HYDIN: variants seen among roughly 807,000 people sequenced by gnomAD.
HYDIN encodes axonemal central pair apparatus protein HYDIN.
HYDIN carries 132 observed loss-of-function variants against 403.9 expected under a neutral mutation model. The ratio of observed to expected loss-of-function variants is 0.33; its 90% CI spans 0.28 to 0.38. The LOEUF is 0.38. Among genes scored for constraint, HYDIN ranks in the 10% least tolerant of loss-of-function variants. The pLI is 1.00. For missense variants in HYDIN, 2,827 were observed against 5,009.5 expected (o/e 0.56, Z 13.15); for synonymous variants, 1,202 against 1,891.7 (o/e 0.64, Z 9.46).
intron 5 of HYDIN, among the ~76,000 whole-genome samples, chr16:71,175,106 C>T (rs530735012): frequency 6.6e-6 from 1 of 151,532 alleles, no homozygotes; most frequent in Non-Finnish European, 1.5e-5. Context: ...CCACCACCCA[C>T]CAACTCTACA....
intron 4 of HYDIN, among the ~76,000 whole-genome samples, chr16:71,176,646 C>T (rs911068968): frequency 6.6e-6 from 1 of 152,210 alleles, no homozygotes; most frequent in South Asian, 2.1e-4. Flanking sequence ...AAAGCAAGAG[C>T]AAAGAGCAGC....
intron 58 of HYDIN, among the ~76,000 whole-genome samples, chr16:70,884,657 A>G (rs1273749872): frequency 6.6e-6 from 1 of 151,670 alleles, no homozygotes; most frequent in Non-Finnish European, 1.5e-5. Flanking sequence ...CATGTAGCAT[A>G]GCATCTGGTA....
chr16:71,004,167 A>T (rs1245095323), intron 23 of HYDIN, among the ~76,000 whole-genome samples: 2 of 151,998 alleles, frequency 1.3e-5, no homozygotes, highest in African/African-American at 4.8e-5. Flanking sequence ...ATACAAAATT[A>T]GCCAGGTACG....
chr16:70,867,871 G>A (rs962883514), intron 66 of HYDIN, among the ~76,000 whole-genome samples: 2 of 150,438 alleles, frequency 1.3e-5, no homozygotes, highest in African/African-American at 4.9e-5. Context: ...ATTTCACCAT[G>A]TTGCCCAGGT....
intron 1 of HYDIN, among the ~76,000 whole-genome samples, chr16:71,213,013 G>A (rs1379221739): frequency 6.6e-6 from 1 of 152,122 alleles, no homozygotes; most frequent in Non-Finnish European, 1.5e-5. Flanking sequence ...TTGGAAGCCA[G>A]AAGACAGTAG....
chr16:70,997,962 A>G (rs1263210001), intron 23 of HYDIN, among the ~76,000 whole-genome samples: 1 of 151,542 alleles, frequency 6.6e-6, no homozygotes, highest in Non-Finnish European at 1.5e-5. Flanking sequence ...TTCTCCTCCC[A>G]TCAACAGATG....
At position 70,850,607 on chromosome 16, in the gene HYDIN, G is replaced by A. The variant is rs773197380; in HGVS notation, c.12492C>T (p.Asn4164=). ...TTTCCACATTGCAGATCAAATTAAA[G>A]TTCACATCTCCTTCCTGCTTTGGTG... ...FFTPKQEGDV[N]FNLICNVEKK... The change falls in exon 74 of 86, where the codon AAC becomes AAT. Residue 4164 remains asparagine (N), a synonymous_variant. Coordinates refer to ENST00000393567, the MANE Select transcript of HYDIN (RefSeq NM_001270974.2). 3 of 1,614,012 alleles carry A rather than the reference G, an allele frequency of 1.9e-6. No homozygotes were observed. Among genetic ancestry groups the A allele is most frequent in the Non-Finnish European group, 2.5e-6 (3 of 1,179,950 alleles).
At chr16:71,180,026 A>G (rs186080380) in intron 3 of HYDIN, among the ~76,000 whole-genome samples, 32 of 152,358 alleles carry the variant, frequency 2.1e-4, no homozygotes, top group Admixed American at 2.1e-3. Flanking sequence ...TTGACATGAC[A>G]AAAACAGGAG....
intron 7 of HYDIN, among the ~76,000 whole-genome samples, chr16:71,152,363 T>C (rs1473409000): frequency 6.6e-5 from 10 of 151,986 alleles, no homozygotes; most frequent in Non-Finnish European, 1.2e-4. Context: ...ATTATTTATT[T>C]ATTTTTAATT....
intron 22 of HYDIN, among the ~76,000 whole-genome samples, chr16:71,019,614 A>C (rs2080400907): frequency 6.6e-6 from 1 of 152,118 alleles, no homozygotes; most frequent in African/African-American, 2.4e-5. Context: ...AGATTGACTT[A>C]ACTTTTTTTT....
At chr16:70,912,952 T>C (rs1476642666) in intron 47 of HYDIN, among the ~76,000 whole-genome samples, 3 of 150,620 alleles carry the variant, frequency 2.0e-5, no homozygotes, top group African/African-American at 7.3e-5. Flanking sequence ...TGATCTTTTG[T>C]ATTTCTGTGG....
chr16:71,154,107 T>A (rs2085656751), intron 6 of HYDIN, among the ~76,000 whole-genome samples: 1 of 135,258 alleles, frequency 7.4e-6, no homozygotes, highest in South Asian at 2.8e-4. Context: ...AAATCTAAGC[T>A]TTCTGCTATA....
chr16:70,937,160 G>C (rs965891584), intron 44 of HYDIN, among the ~76,000 whole-genome samples: 2 of 151,672 alleles, frequency 1.3e-5, no homozygotes, highest in East Asian at 3.9e-4. Flanking sequence ...GTGTGTGCGC[G>C]TGTGTGGTGT....
At chr16:71,032,233 T>C (rs1450925300) in intron 18 of HYDIN, among the ~76,000 whole-genome samples, 1 of 152,018 alleles carries the variant, frequency 6.6e-6, no homozygotes, top group African/African-American at 2.4e-5. Flanking sequence ...GATTCTGAGA[T>C]ACCAACAGAA....
chr16:70,967,562 A>G (rs1004099622), intron 36 of HYDIN, among the ~76,000 whole-genome samples: 2 of 151,848 alleles, frequency 1.3e-5, no homozygotes, highest in Non-Finnish European at 2.9e-5. Flanking sequence ...GCTCACTGCA[A>G]CCTCTGCCTC....
intron 47 of HYDIN, among the ~76,000 whole-genome samples, chr16:70,914,138 G>A (rs1188171318): frequency 6.6e-6 from 1 of 152,052 alleles, no homozygotes; most frequent in Admixed American, 6.6e-5. Context: ...ATTGAGATGT[G>A]AGGTACCATT....
chr16:70,985,120 A>C, intron 28 of HYDIN, 65 bp downstream of exon 28: 2 of 1,420,412 alleles, frequency 1.4e-6, no homozygotes, highest in Non-Finnish European at 1.9e-6. Flanking sequence ...CTGGTCGTGA[A>C]TACTCACCTG....
At chr16:70,843,958 A>G (rs1438513264) in intron 75 of HYDIN, among the ~76,000 whole-genome samples, 1 of 138,222 alleles carries the variant, frequency 7.2e-6, no homozygotes, top group Non-Finnish European at 1.5e-5. Context: ...TTGTCAGATG[A>G]GTAGGTTGCG....
chr16:70,879,759 G>A lies in HYDIN; in HGVS notation c.10216-3C>T, dbSNP rs371634517. Reference sequence around the variant, plus strand: ...ATGTCGACGATGCGGGCAAAGGGCTGGTGATGGGGGCAGAGACCAGAGTGT... The same window carrying A: ...ATGTCGACGATGCGGGCAAAGGGCTAGTGATGGGGGCAGAGACCAGAGTGT... On this transcript the variant is annotated splice_polypyrimidine_tract_variant and splice_region_variant and intron_variant, in intron 60 of 85. Transcript: ENST00000393567. 6.6e-5 allele frequency: 72 copies of A among 1,095,450 alleles called. No homozygotes were observed. The highest frequency in any genetic ancestry group is 6.0e-4 in the South Asian group (45 of 75,408). 67.9% of individuals were successfully genotyped at this position (1,095,450 alleles called of 1,614,324 possible).
Sources: gnomAD v4.1 joint callset for allele counts (sites outside exome capture counted in the v4.1 genomes callset) on GRCh38, gnomAD v4.1.1 for gene constraint, MANE v1.5 for transcripts, NCBI Gene and HGNC (gene_info 2026-07-23, HGNC 2026-07-21) for gene names.